Variants in SATB2 observed in about 807,000 individuals in gnomAD.
SATB2 encodes SATB homeobox 2.
In SATB2, 1 loss-of-function variant was observed where a neutral mutation model predicts 73.4. That is an observed-to-expected ratio of 0.01 (90% CI 0.00 to 0.06). SATB2 has a LOEUF of 0.06. Among genes scored for constraint, SATB2 ranks in the 10% least tolerant of loss-of-function variants. SATB2 has a pLI of 1.00. For missense variants in SATB2, 459 were observed against 945.8 expected, an observed-to-expected ratio of 0.49 and a Z score of 6.75; for synonymous variants, 397 against 367.0, an observed-to-expected ratio of 1.08 and a Z score of -0.93.
At chr2:199,390,337 T>C (rs1282743743) in intron 3 of SATB2, among the ~76,000 whole-genome samples, 1 of 152,088 alleles carries the variant, frequency 6.6e-6, no homozygotes, top group Non-Finnish European at 1.5e-5. Context: ...GAGAAATTAT[T>C]TGGGGTTGGT....
At chr2:199,412,320 A>G (rs10206384) in intron 3 of SATB2, among the ~76,000 whole-genome samples, 47,874 of 152,094 alleles carry the variant, frequency 0.31, 8,629 homozygotes, top group East Asian at 0.62. Context: ...GCACTTCTGT[A>G]TTACAAACAG....
At chr2:199,340,616 TA>T (rs1405641572) in intron 7 of SATB2, among the ~76,000 whole-genome samples, 1 of 152,158 alleles carries the variant, frequency 6.6e-6, no homozygotes, top group Non-Finnish European at 1.5e-5. Flanking sequence ...CCATACAACA[TA>T]AATAATGAGT....
intron 10 of SATB2, among the ~76,000 whole-genome samples, chr2:199,303,347 C>G (rs2105760800): frequency 6.6e-6 from 1 of 152,206 alleles, no homozygotes; most frequent in Admixed American, 6.5e-5. Flanking sequence ...AGGCTACTTA[C>G]TGCCAGAGAA....
At chr2:199,411,452 T>C (rs1025781067) in intron 3 of SATB2, among the ~76,000 whole-genome samples, 1 of 152,226 alleles carries the variant, frequency 6.6e-6, no homozygotes, top group Non-Finnish European at 1.5e-5. Context: ...ACGAATACTA[T>C]TTTAATATGA....
At chr2:199,303,233 A>G (rs1030870228) in intron 10 of SATB2, among the ~76,000 whole-genome samples, 4 of 152,196 alleles carry the variant, frequency 2.6e-5, no homozygotes, top group Non-Finnish European at 5.9e-5. Flanking sequence ...CTCATCTGTG[A>G]AAGTATTAAT....
At chr2:199,309,089 T>C in intron 9 of SATB2, 132 bp from the exon 10 acceptor site, 2 of 790,364 alleles carry the variant, frequency 2.5e-6, no homozygotes, top group South Asian at 1.5e-5. Context: ...GGGGAGATAG[T>C]GAAACAGTCT....
At chr2:199,380,314 T>C (rs573541779) in intron 5 of SATB2, 50 bp downstream of exon 5, 1 of 1,611,954 alleles carries the variant, frequency 6.2e-7, no homozygotes, top group South Asian at 1.1e-5. Flanking sequence ...TGATAGAGAG[T>C]CTACCAATGG....
At chr2:199,378,334 G>A (rs757222648) in intron 5 of SATB2, among the ~76,000 whole-genome samples, 20 of 152,224 alleles carry the variant, frequency 1.3e-4, no homozygotes, top group African/African-American at 1.4e-4. Context: ...CGACTTCCAT[G>A]TGAATGCAAG....
At chr2:199,280,063 C>T (rs535980942) in intron 10 of SATB2, among the ~76,000 whole-genome samples, 5 of 152,268 alleles carry the variant, frequency 3.3e-5, no homozygotes, top group South Asian at 4.1e-4. Flanking sequence ...GGACCCCAAA[C>T]GGAGGGACTG....
intron 6 of SATB2, among the ~76,000 whole-genome samples, chr2:199,353,436 T>C (rs150342331): frequency 0.012 from 1,766 of 152,214 alleles, 40 homozygotes; most frequent in African/African-American, 0.04. Context: ...ATTACAGGCA[T>C]GAGCCACCAT....
intron 3 of SATB2, among the ~76,000 whole-genome samples, chr2:199,388,815 G>C (rs949378781): frequency 6.6e-6 from 1 of 151,896 alleles, no homozygotes; most frequent in African/African-American, 2.4e-5. Context: ...TCTGGTTCTC[G>C]GTATTATTTC....
intron 2 of SATB2, among the ~76,000 whole-genome samples, chr2:199,448,537 C>T (rs1020541775): frequency 2.6e-5 from 4 of 152,128 alleles, no homozygotes; most frequent in East Asian, 3.8e-4. Flanking sequence ...ATGAAATTCA[C>T]GCTGTTTCTA....
chr2:199,275,472 C>T (rs765874285), intron 10 of SATB2, among the ~76,000 whole-genome samples: 1 of 55,960 alleles, frequency 1.8e-5, no homozygotes, highest in Non-Finnish European at 5.0e-5. Context: ...AAGTTCCTCA[C>T]AAAGGTGCTA....
At chr2:199,310,505 T>C (rs1266585734) in intron 9 of SATB2, among the ~76,000 whole-genome samples, 1 of 151,994 alleles carries the variant, frequency 6.6e-6, no homozygotes, top group Non-Finnish European at 1.5e-5. Flanking sequence ...TACCAGAAAA[T>C]AAATTATAGT....
rs529621505 is a variant in SATB2, at chr2:199,272,310, G to A, written c.2103C>T (p.Asn701=). Residue 701 remains asparagine (N), a synonymous_variant, in exon 11 of 11, where the codon AAC becomes AAT. Transcript: ENST00000417098. The surrounding 1 kb of genome is among the most constrained non-coding windows in gnomAD (Gnocchi z 6.7). ...DEELLTESEE[N]DSEEGSEEMY... ...TCTCCTCGGAGCCTTCCTCGCTGTCGTTCTCCTCTGACTCGGTCAGCAGCT... is the reference window on the plus strand; with the variant it reads ...TCTCCTCGGAGCCTTCCTCGCTGTCATTCTCCTCTGACTCGGTCAGCAGCT... The A allele has an allele frequency of 3.1e-5, 50 of 1,614,098 alleles. No homozygotes were observed. Among genetic ancestry groups the A allele is most frequent in the East Asian group, 6.7e-5 (3 of 44,884 alleles).
At chr2:199,384,143 C>G (rs1231834495) in intron 3 of SATB2, among the ~76,000 whole-genome samples, 3 of 152,182 alleles carry the variant, frequency 2.0e-5, no homozygotes. Flanking sequence ...TCTTACCCCA[C>G]CTTGATGAGC....
intron 10 of SATB2, among the ~76,000 whole-genome samples, chr2:199,275,013 G>A (rs1404483781): frequency 6.6e-6 from 1 of 152,156 alleles, no homozygotes; most frequent in Non-Finnish European, 1.5e-5. Context: ...TATACTGGAA[G>A]AACATAGACT....
At chr2:199,380,582 G>C in intron 4 of SATB2, 95 bp from the exon 5 acceptor site, 1 of 1,478,044 alleles carries the variant, frequency 6.8e-7, no homozygotes, top group East Asian at 2.3e-5. Context: ...GGGTCTTGTG[G>C]GAGCTTCAGA....
intron 9 of SATB2, among the ~76,000 whole-genome samples, chr2:199,321,363 ATG>A (rs1293373886): frequency 1.5e-4 from 22 of 145,560 alleles, no homozygotes; most frequent in East Asian, 2.2e-4. Flanking sequence ...ATAGATATAT[ATG>A]TATGTCTATA....
Sources: allele counts gnomAD v4.1 joint callset (sites outside exome capture counted in the v4.1 genomes callset), GRCh38; gene constraint gnomAD v4.1.1; non-coding constraint Gnocchi (gnomAD v3.1); transcripts MANE v1.5; gene names NCBI Gene and HGNC (gene_info 2026-07-23, HGNC 2026-07-21).